TPRA1: variants seen among roughly 807,000 people sequenced by gnomAD.
TPRA1 encodes transmembrane protein adipocyte associated 1.
TPRA1 carries 28 observed loss-of-function variants against 40.1 expected under a neutral mutation model. The observed-to-expected ratio is 0.70, with a 90% CI of 0.52 to 0.96. The LOEUF (loss-of-function observed/expected upper bound fraction) is 0.96. Among genes scored for constraint, TPRA1 ranks in the 40% least tolerant of loss-of-function variants. The pLI is 0.00. For missense variants in TPRA1, 441 were observed against 482.6 expected, an observed-to-expected ratio of 0.91 and a Z score of 0.81; for synonymous variants, 219 against 209.7, an observed-to-expected ratio of 1.04 and a Z score of -0.38.
chr3:127,586,398 G>A (rs980494090), intron 1 of TPRA1, among the ~76,000 whole-genome samples: 2 of 152,202 alleles, frequency 1.3e-5, no homozygotes, highest in African/African-American at 4.8e-5. Context: ...AGGCTAGAGT[G>A]CAGTGGTGCA....
chr3:127,586,671 A>G (rs2107658974), intron 1 of TPRA1, among the ~76,000 whole-genome samples: 1 of 152,248 alleles, frequency 6.6e-6, no homozygotes, highest in African/African-American at 2.4e-5. Context: ...CCCCACCCCT[A>G]TTATAAAGCC....
intron 3 of TPRA1, among the ~76,000 whole-genome samples, chr3:127,578,607 A>T (rs1303101568): frequency 1.3e-5 from 2 of 152,234 alleles, no homozygotes; most frequent in Admixed American, 1.3e-4. Context: ...TTGAATAAAT[A>T]CACAAATGAA....
chr3:127,589,955 G>A (rs746456679), intron 1 of TPRA1, among the ~76,000 whole-genome samples: 2 of 152,254 alleles, frequency 1.3e-5, no homozygotes, highest in South Asian at 2.1e-4. Context: ...CGAGTCCAGA[G>A]GGAGCGGAGG....
exon 1 of TPRA1, chr3:127,598,110 T>C (rs896024415): frequency 1.3e-5 from 5 of 385,316 alleles, no homozygotes; most frequent in South Asian, 8.7e-5. Flanking sequence ...CCGGCCTCTG[T>C]TGTCTTGTCA....
Position 127,589,456 on chromosome 3 carries a change from G to A in TPRA1, c.-18+954C>T, listed in dbSNP as rs1228879956. ...GTGGAGCCCAGGGGTGACAAGGTGG[G>A]GAAGGCTCCATAGGGCAGAGGCCAA... On this transcript the variant is annotated intron_variant, in intron 1 of 10. Coordinates refer to ENST00000355552, the MANE Select transcript of TPRA1 (RefSeq NM_001136053.4). Among the ~76,000 whole-genome samples, 4 of 152,168 alleles carry A rather than the reference G, an allele frequency of 2.6e-5. 1 individual carries two copies. Among genetic ancestry groups the A allele is most frequent in the Admixed American group, 2.6e-4 (4 of 15,284 alleles).
Position 127,572,647 on chromosome 3 carries a change from G to A in TPRA1, c.*874C>T, listed in dbSNP as rs908870631. The stretch of plus-strand genomic sequence containing the variant: ...CTATCCTTATCGTTCATTACTGTAC[G>A]CCAGCCACTCGTGCTTAGTGTTTTC... On this transcript the variant is annotated 3_prime_UTR_variant, in exon 11 of 11. Transcript: ENST00000355552. Among the ~76,000 whole-genome samples the A allele has an allele frequency of 2.4e-4, 36 of 152,150 alleles. No homozygotes were observed. The highest frequency in any genetic ancestry group is 8.0e-4 in the African/African-American group (33 of 41,428).
At chr3:127,577,114 A>C (rs2073668303) in intron 3 of TPRA1, 38 bp from the exon 4 acceptor site, 1 of 1,606,996 alleles carries the variant, frequency 6.2e-7, no homozygotes, top group East Asian at 2.2e-5. Context: ...TCAGGGAACA[A>C]GAGCCTCTGC....
rs373304774 is a variant in TPRA1, at chr3:127,576,590, G to T, written c.498+27C>A. ...GGTGCCTGGTGCCCTGACTCCTAGC[G>T]TCCCCTGCCCACACTCACCCTCTTA... On this transcript the variant is annotated intron_variant, in intron 6 of 10. Transcript: ENST00000355552. The surrounding 1 kb of genome is among the most constrained non-coding windows in gnomAD (Gnocchi z 4.6). The T allele has an allele frequency of 6.0e-5, 94 of 1,557,840 alleles. 1 individual carries two copies. Among genetic ancestry groups the T allele is most frequent in the Non-Finnish European group, 8.0e-5 (92 of 1,147,844 alleles).
At chr3:127,582,252 TG>T (rs555847806) in intron 1 of TPRA1, among the ~76,000 whole-genome samples, 12 of 152,212 alleles carry the variant, frequency 7.9e-5, no homozygotes, top group Non-Finnish European at 1.6e-4. Flanking sequence ...TCACTGGCTC[TG>T]GGATCAAGTC....
At chr3:127,588,104 C>T (rs1193872909) in intron 1 of TPRA1, 1 of 152,476 alleles carries the variant, frequency 6.6e-6, no homozygotes, top group Non-Finnish European at 1.5e-5. Flanking sequence ...TCTCCAGAGC[C>T]CAGGCCCCCA....
rs754944322 is a variant in TPRA1, at chr3:127,579,852, A to G, written c.146T>C (p.Leu49Ser). The G allele has an allele frequency of 6.8e-6, 11 of 1,613,792 alleles. No individual in the cohort carries two copies. The highest frequency in any genetic ancestry group is 8.5e-6 in the Non-Finnish European group (10 of 1,180,022). ...GAAGAGCACATTGGGGATGAGCAGC[A>G]AGAGGTCCCAGTACCGGACCCTGGC... is the stretch of plus-strand genomic sequence containing the variant. Reference protein sequence around the residue: ...GTSRVRYWDLLLLIPNVLFLI... With the variant: ...GTSRVRYWDLSLLIPNVLFLI... The change falls in exon 3 of 11, where the codon TTG becomes TCG. Residue 49 changes from leucine to serine, a missense_variant. Leu to Ser is a moderately radical substitution (Grantham distance 145, BLOSUM62 -2). Coordinates refer to ENST00000355552, the MANE Select transcript of TPRA1 (RefSeq NM_001136053.4).
intron 1 of TPRA1, among the ~76,000 whole-genome samples, chr3:127,597,136 C>G (rs2107681285): frequency 6.6e-6 from 1 of 152,006 alleles, no homozygotes; most frequent in African/African-American, 2.4e-5. Flanking sequence ...AAGATTCCAC[C>G]TCCTAAACAT....
At chr3:127,579,280 C>T (rs2073749195) in intron 3 of TPRA1, among the ~76,000 whole-genome samples, 2 of 152,342 alleles carry the variant, frequency 1.3e-5, no homozygotes, top group Non-Finnish European at 2.9e-5. Context: ...CACCCAGCAT[C>T]CATTCCCCTC....
chr3:127,580,898 G>A (rs1001082453), intron 1 of TPRA1, among the ~76,000 whole-genome samples: 1 of 152,260 alleles, frequency 6.6e-6, no homozygotes, highest in Non-Finnish European at 1.5e-5. Context: ...CAAGGCAAGT[G>A]TGTCTGCAAT....
At position 127,575,952 on chromosome 3, in the gene TPRA1, G is replaced by A. The variant is rs911970523; in HGVS notation, c.597C>T (p.Cys199=). 3 of 1,613,870 alleles carry A rather than the reference G, an allele frequency of 1.9e-6. No individual in the cohort carries two copies. Among genetic ancestry groups the A allele is most frequent in the Non-Finnish European group, 2.5e-6 (3 of 1,180,016 alleles). Residue 199 remains cysteine (C), a synonymous_variant, in exon 7 of 11, where the codon TGC becomes TGT. Transcript: ENST00000355552. ...GGRQFWLVSS[C]FFFLVYSLVV... ...GCCTGAACCTCACCAGGAAGAAGAA[G>A]CAGGAGCTGACCAGCCAGAACTGGC...
At chr3:127,577,927 G>A (rs754863275) in intron 3 of TPRA1, among the ~76,000 whole-genome samples, 12 of 152,208 alleles carry the variant, frequency 7.9e-5, no homozygotes, top group Non-Finnish European at 1.3e-4. Flanking sequence ...AAAGGCAGAC[G>A]GACAGCATGC....
rs1209400367 is a variant in TPRA1, at chr3:127,572,737, C to G, written c.*784G>C. ...CATTTTACAGATGGCAATAGTAAGT[C>G]CATTCTGCGTTTTAATGGAGCTGAG... On this transcript the variant is annotated 3_prime_UTR_variant, in exon 11 of 11. Transcript: ENST00000355552. Among the ~76,000 whole-genome samples, 4 of 152,220 alleles carry G rather than the reference C, an allele frequency of 2.6e-5. No individual in the cohort carries two copies. The highest frequency in any genetic ancestry group is 6.5e-5 in the Admixed American group (1 of 15,286).
intron 1 of TPRA1, among the ~76,000 whole-genome samples, chr3:127,595,889 C>T (rs1327548159): frequency 6.6e-6 from 1 of 152,072 alleles, no homozygotes; most frequent in Non-Finnish European, 1.5e-5. Flanking sequence ...TGAATCCTAT[C>T]ATGTGAAGAA....
chr3:127,574,094 T>C (rs1445091265), intron 10 of TPRA1, among the ~76,000 whole-genome samples: 1 of 152,228 alleles, frequency 6.6e-6, no homozygotes. Flanking sequence ...CAACAGTGCC[T>C]GCCCAAGCAC....
Sources: allele counts gnomAD v4.1 joint callset (sites outside exome capture counted in the v4.1 genomes callset), GRCh38; gene constraint gnomAD v4.1.1; non-coding constraint Gnocchi (gnomAD v3.1); transcripts MANE v1.5; gene names NCBI Gene and HGNC (gene_info 2026-07-23, HGNC 2026-07-21).